Variants in INPP4B observed in about 807,000 individuals in gnomAD.
The protein encoded by INPP4B is inositol polyphosphate 4-phosphatase type II.
A neutral mutation model predicts 122.5 loss-of-function variants in INPP4B; 55 were observed. That is an observed-to-expected ratio of 0.45 (90% confidence interval 0.36 to 0.56). The LOEUF (loss-of-function observed/expected upper bound fraction) is 0.56. Ranked by LOEUF, INPP4B falls within the 20% of genes least tolerant of loss-of-function variation. The probability of loss-of-function intolerance (pLI) is 0.00; values close to 1 mark genes in which losing one functional copy is unlikely to be tolerated. For missense variants in INPP4B, 1,000 were observed against 1,097.7 expected (o/e 0.91, Z 1.26); for synonymous variants, 403 against 388.7 (o/e 1.04, Z -0.43).
intron 2 of INPP4B, among the ~76,000 whole-genome samples, chr4:142,626,008 T>C (rs1341375249): frequency 6.6e-6 from 1 of 152,084 alleles, no homozygotes; most frequent in African/African-American, 2.4e-5. Flanking sequence ...ACTTAAACGT[T>C]AGACCTAAAA....
intron 3 of INPP4B, among the ~76,000 whole-genome samples, chr4:142,448,943 C>G (rs1813539163): frequency 6.6e-6 from 1 of 152,154 alleles, no homozygotes; most frequent in South Asian, 2.1e-4. Flanking sequence ...CACGGAGACC[C>G]CTGACCAGGC....
chr4:142,466,289 A>C (rs1340311306), intron 2 of INPP4B, among the ~76,000 whole-genome samples: 1 of 152,202 alleles, frequency 6.6e-6, no homozygotes, highest in East Asian at 1.9e-4. Flanking sequence ...GAAAATGGGA[A>C]ACTTATTGGG....
intron 10 of INPP4B, among the ~76,000 whole-genome samples, chr4:142,266,283 A>T (rs568015804): frequency 2.0e-5 from 3 of 152,024 alleles, no homozygotes; most frequent in African/African-American, 7.2e-5. Context: ...CTGCTCCAAA[A>T]CTTTACCATG....
intron 5 of INPP4B, among the ~76,000 whole-genome samples, chr4:142,409,675 G>GA (rs1804202760): frequency 6.6e-6 from 1 of 152,072 alleles, no homozygotes; most frequent in Non-Finnish European, 1.5e-5. Context: ...GTCATTGCCT[G>GA]AAAAAATGAA....
intron 7 of INPP4B, among the ~76,000 whole-genome samples, chr4:142,317,753 A>G (rs1339676751): frequency 1.3e-5 from 2 of 152,188 alleles, no homozygotes; most frequent in African/African-American, 4.8e-5. Context: ...CTTCCAATAA[A>G]TATAATCACC....
chr4:142,032,602 T>C (rs1019341316), intron 25 of INPP4B, among the ~76,000 whole-genome samples: 1 of 152,210 alleles, frequency 6.6e-6, no homozygotes, highest in Non-Finnish European at 1.5e-5. Flanking sequence ...ATTAGTAGAA[T>C]AGCACATATA....
At chr4:142,532,739 C>A (rs544667000) in intron 2 of INPP4B, among the ~76,000 whole-genome samples, 1 of 151,986 alleles carries the variant, frequency 6.6e-6, no homozygotes, top group Admixed American at 6.6e-5. Context: ...TGGAATATGA[C>A]AAAATACTTA....
chr4:142,372,219 G>T (rs976185614), intron 7 of INPP4B, among the ~76,000 whole-genome samples: 1 of 152,044 alleles, frequency 6.6e-6, no homozygotes, highest in Non-Finnish European at 1.5e-5. Flanking sequence ...TCCTATATGG[G>T]TGATAAAATA....
At chr4:142,066,842 A>T (rs1326228300) in intron 25 of INPP4B, among the ~76,000 whole-genome samples, 1 of 152,198 alleles carries the variant, frequency 6.6e-6, no homozygotes, top group Non-Finnish European at 1.5e-5. Flanking sequence ...AACTGGATGG[A>T]GCCCACCACA....
chr4:142,515,439 C>CT (rs974365454), intron 2 of INPP4B, among the ~76,000 whole-genome samples: 21 of 151,918 alleles, frequency 1.4e-4, no homozygotes, highest in East Asian at 3.9e-4. Flanking sequence ...CATTAAATGC[C>CT]TTTTTTTTCA....
intron 25 of INPP4B, among the ~76,000 whole-genome samples, chr4:142,032,078 T>C (rs1332852572): frequency 6.6e-6 from 1 of 152,182 alleles, no homozygotes; most frequent in Non-Finnish European, 1.5e-5. Flanking sequence ...GGTAACGTTA[T>C]CACAGATTGA....
intron 2 of INPP4B, among the ~76,000 whole-genome samples, chr4:142,513,663 C>T (rs1011660745): frequency 1.3e-5 from 2 of 152,176 alleles, no homozygotes; most frequent in African/African-American, 2.4e-5. Flanking sequence ...TTGCCTCGGC[C>T]TCCCAAGTGC....
chr4:142,515,133 T>TCAG (rs1825258972), intron 2 of INPP4B, among the ~76,000 whole-genome samples: 1 of 152,140 alleles, frequency 6.6e-6, no homozygotes, highest in African/African-American at 2.4e-5. Context: ...TATAAAGATC[T>TCAG]TAGTAGTAGC....
intron 23 of INPP4B, among the ~76,000 whole-genome samples, chr4:142,107,778 A>G (rs181961630): frequency 9.8e-5 from 15 of 152,294 alleles, no homozygotes; most frequent in Middle Eastern, 3.4e-3. Context: ...GTTAAGAATT[A>G]TACAAAATTT....
intron 7 of INPP4B, among the ~76,000 whole-genome samples, chr4:142,397,846 T>A (rs952079887): frequency 2.7e-5 from 4 of 148,716 alleles, no homozygotes; most frequent in African/African-American, 9.9e-5. Flanking sequence ...TCAAAAAAAA[T>A]AAAAAATAAA....
rs1782105776 is a variant in INPP4B, at chr4:142,352,128, T to G, written c.373-37366A>C. On this transcript the variant is annotated intron_variant, in intron 7 of 25. Coordinates refer to ENST00000262992, the MANE Select transcript of INPP4B (RefSeq NM_001101669.3). ...TTCCTCTGGTTGGCCAAATAGTGTG[T>G]TTTTCCCTCCTGTCTGCCCAGCGAA... 3.3e-5 allele frequency among the ~76,000 whole-genome samples: 5 copies of G among 152,010 alleles called. No individual in the cohort carries two copies. In the South Asian group the frequency reaches 1.0e-3, roughly 32 times the overall value.
chr4:142,596,945 A>T (rs1738843126), intron 2 of INPP4B, among the ~76,000 whole-genome samples: 2 of 152,240 alleles, frequency 1.3e-5, no homozygotes, highest in Admixed American at 1.3e-4. Flanking sequence ...AGTTACTGTC[A>T]TCTCAGTTAC....
rs1385684334 is a variant in INPP4B, at chr4:142,237,943, C to G, written c.757G>C (p.Glu253Gln). 6.3e-7 allele frequency: 1 copy of G among 1,575,268 alleles called. No individual in the cohort carries two copies. The highest frequency in any genetic ancestry group is 8.7e-7 in the Non-Finnish European group (1 of 1,147,592). ...GAAAGAATGCTCTCTGACATCTGCT[C>G]TCGAATTCGCATCCACTTATTGTCA... ...TSDNKWMRIR[E>Q]QMSESILSFH... Residue 253 changes from glutamate (E) to glutamine (Q), a missense_variant, in exon 12 of 26, where the codon GAG becomes CAG. By Grantham distance (29) the Glu-to-Gln change is conservative (BLOSUM62 2). Coordinates refer to ENST00000262992, the MANE Select transcript of INPP4B (RefSeq NM_001101669.3).
intron 9 of INPP4B, among the ~76,000 whole-genome samples, chr4:142,273,375 G>A (rs1462212397): frequency 1.3e-5 from 2 of 151,824 alleles, no homozygotes; most frequent in African/African-American, 4.8e-5. Flanking sequence ...ATAGTGAAAG[G>A]CTATAAGGTC....
Sources: gnomAD v4.1 joint callset for allele counts (sites outside exome capture counted in the v4.1 genomes callset) on GRCh38, gnomAD v4.1.1 for gene constraint, MANE v1.5 for transcripts, NCBI Gene and HGNC (gene_info 2026-07-23, HGNC 2026-07-21) for gene names.